BDP1: variants seen among roughly 807,000 people sequenced by gnomAD.
BDP1 encodes the protein BDP1 general transcription factor IIIB subunit.
Under a neutral mutation model 266.6 loss-of-function variants are expected in BDP1, and 169 were observed. That is an observed-to-expected ratio of 0.63 (90% CI 0.56 to 0.72). The LOEUF (loss-of-function observed/expected upper bound fraction) is 0.72. BDP1 is among the 30% of genes least tolerant of loss of function. The pLI, the probability that BDP1 is intolerant of heterozygous loss-of-function variation, is 0.00. For missense variants in BDP1, 3,015 were observed against 3,053.8 expected (o/e 0.99, Z 0.30); for synonymous variants, 1,090 against 1,022.4 (o/e 1.07, Z -1.26).
chr5:71,528,499 G>C (rs893675883), intron 25 of BDP1, among the ~76,000 whole-genome samples: 1 of 152,160 alleles, frequency 6.6e-6, no homozygotes, highest in African/African-American at 2.4e-5. Flanking sequence ...AGTTAACTAA[G>C]ATAGTGGCAA....
At chr5:71,516,515 C>T (rs1404812109) in intron 21 of BDP1, among the ~76,000 whole-genome samples, 1 of 152,036 alleles carries the variant, frequency 6.6e-6, no homozygotes, top group Non-Finnish European at 1.5e-5. Context: ...AATATAAATA[C>T]CGCAAATCTT....
intron 26 of BDP1, among the ~76,000 whole-genome samples, chr5:71,536,301 G>A (rs932853916): frequency 6.6e-6 from 1 of 152,138 alleles, no homozygotes; most frequent in African/African-American, 2.4e-5. Flanking sequence ...TTGGAGGCAA[G>A]TTTTCATTAA....
In BDP1 at chr5:71,463,600, T is replaced by C. The variant is rs573947838; in HGVS notation, c.600-458T>C. Reference sequence around the variant, plus strand: ...GTTTTGGGAAGCTAAGGTGGGAGGATTGCATGATCCCAGGAGTTTGAGACC... The same window carrying C: ...GTTTTGGGAAGCTAAGGTGGGAGGACTGCATGATCCCAGGAGTTTGAGACC... On this transcript the variant is annotated intron_variant, in intron 3 of 38. Coordinates refer to ENST00000358731, the MANE Select transcript of BDP1 (RefSeq NM_018429.3). 9.5e-4 allele frequency among the ~76,000 whole-genome samples: 144 copies of C among 152,124 alleles called. No homozygotes were observed. In the East Asian group the frequency reaches 0.014, roughly 15 times the overall value.
chr5:71,530,281 C>G (rs932984651), intron 25 of BDP1, among the ~76,000 whole-genome samples: 2 of 152,054 alleles, frequency 1.3e-5, no homozygotes, highest in African/African-American at 4.8e-5. Context: ...ATTGCCCAGG[C>G]TGGAGTGCAG....
Position 71,470,644 on chromosome 5 carries a change from A to G in BDP1, c.1014+155A>G, listed in dbSNP as rs181872980. On this transcript the variant is annotated intron_variant, in intron 7 of 38. Transcript: ENST00000358731. Reference sequence around the variant, plus strand: ...CACTTTGTTGCCCAGGCTGGAGTGCAGTGGCACAGTCTCGGCTCACTGCAA... The same window carrying G: ...CACTTTGTTGCCCAGGCTGGAGTGCGGTGGCACAGTCTCGGCTCACTGCAA... 5.3e-3 allele frequency among the ~76,000 whole-genome samples: 793 copies of G among 150,898 alleles called. 3 individuals are homozygous for G. The highest frequency in any genetic ancestry group is 7.2e-3 in the Non-Finnish European group (490 of 67,860).
chr5:71,578,069 G>A, the BDP1 span, among the ~76,000 whole-genome samples: 4 of 152,120 alleles, frequency 2.6e-5, no homozygotes, highest in South Asian at 2.1e-4. Flanking sequence ...GAGGGCCATC[G>A]CTCCCTGGCC....
At chr5:71,528,487 A>G (rs1766044056) in intron 25 of BDP1, among the ~76,000 whole-genome samples, 1 of 152,240 alleles carries the variant, frequency 6.6e-6, no homozygotes, top group African/African-American at 2.4e-5. Context: ...GAAATGAATC[A>G]GAGTTAACTA....
rs368462635 is a variant in BDP1 at position 71,467,423 on chromosome 5, C to T, written c.855C>T (p.Arg285=). The stretch of plus-strand genomic sequence containing the variant: ...AAGAAAATGACCCCATATTTGAGCG[C>T]GGTTCTACAACTACATACTCCAGCT... ...VVEENDPIFE[R]GSTTTYSSFR... is the part of the protein sequence containing the mutation. Residue 285 remains arginine (R), a synonymous_variant, in exon 6 of 39, where the codon CGC becomes CGT. Coordinates refer to ENST00000358731, the MANE Select transcript of BDP1 (RefSeq NM_018429.3). The T allele has an allele frequency of 6.7e-5, 108 of 1,610,166 alleles. No individual in the cohort carries two copies. Among genetic ancestry groups the T allele is most frequent in the East Asian group, 8.9e-5 (4 of 44,808 alleles).
intron 10 of BDP1, among the ~76,000 whole-genome samples, chr5:71,490,196 G>T (rs1356269947): frequency 6.6e-6 from 1 of 152,162 alleles, no homozygotes; most frequent in Admixed American, 6.5e-5. Flanking sequence ...CTTTCCTTAA[G>T]AGTTCATATG....
At chr5:71,556,996 C>A in intron 36 of BDP1, 71 bp downstream of exon 36, 2 of 767,672 alleles carry the variant, frequency 2.6e-6, no homozygotes, top group South Asian at 2.6e-5. Context: ...ATACCTTGTT[C>A]AAATATGAGA....
At chr5:71,558,651 C>G (rs1230916967) in intron 36 of BDP1, among the ~76,000 whole-genome samples, 1 of 151,682 alleles carries the variant, frequency 6.6e-6, no homozygotes, top group Non-Finnish European at 1.5e-5. Flanking sequence ...CATGGCGAAG[C>G]CTCATCTCTA....
intron 1 of BDP1, among the ~76,000 whole-genome samples, chr5:71,457,461 G>A (rs535438621): frequency 2.0e-5 from 3 of 151,778 alleles, no homozygotes; most frequent in African/African-American, 7.3e-5. Context: ...GACTACAGGC[G>A]TGCCCCACCA....
At chr5:71,481,391 G>GAAA (rs58798987) in intron 7 of BDP1, among the ~76,000 whole-genome samples, 43 of 63,856 alleles carry the variant, frequency 6.7e-4, no homozygotes, top group Non-Finnish European at 7.8e-4. Flanking sequence ...TCTCTACAAA[G>GAAA]AAAAAAAAAA....
chr5:71,553,050 T>C, intron 34 of BDP1, 66 bp from the exon 35 acceptor site: 1 of 1,320,444 alleles, frequency 7.6e-7, no homozygotes, highest in Non-Finnish European at 1.0e-6. Flanking sequence ...TCTAGGATCC[T>C]TTAAAAAAAA....
chr5:71,455,683 G>C lies in BDP1; in HGVS notation c.-195G>C, dbSNP rs1158938471. Reference sequence around the variant, plus strand: ...AAATTTAGCCATCGGTGTGTGGCAGGGTCATGAAAAAGCGGCGGCGGCGGG... The same window carrying C: ...AAATTTAGCCATCGGTGTGTGGCAGCGTCATGAAAAAGCGGCGGCGGCGGG... On this transcript the variant is annotated 5_prime_UTR_variant, in exon 1 of 39. Transcript: ENST00000358731. 3.3e-6 allele frequency: 2 copies of C among 604,442 alleles called. No individual in the cohort carries two copies. Among genetic ancestry groups the C allele is most frequent in the East Asian group, 2.8e-5 (1 of 36,146 alleles). 37.4% of individuals were successfully genotyped at this position (604,442 alleles called of 1,614,324 possible).
chr5:71,456,772 A>C (rs1761216086), intron 1 of BDP1, among the ~76,000 whole-genome samples: 1 of 152,220 alleles, frequency 6.6e-6, no homozygotes, highest in African/African-American at 2.4e-5. Flanking sequence ...ATAGCAGAAT[A>C]GTTGCCCGCA....
At chr5:71,552,023 C>T (rs1373423608) in intron 34 of BDP1, among the ~76,000 whole-genome samples, 6 of 149,022 alleles carry the variant, frequency 4.0e-5, no homozygotes, top group Admixed American at 6.6e-5. Context: ...CCCTCCCGGA[C>T]GGGGTGGCTG....
rs1327775749 is a variant in BDP1, at chr5:71,502,915, G to A, written c.2241+124G>A. On this transcript the variant is annotated intron_variant, in intron 15 of 38. Coordinates refer to ENST00000358731, the MANE Select transcript of BDP1 (RefSeq NM_018429.3). ...CATTTATTTATTTATTTATGACGGA[G>A]TCTTGCTCTGTCGCCCAGGCTGGAA... The A allele has an allele frequency of 2.3e-5, 17 of 753,026 alleles. No homozygotes were observed. The South Asian group carries it at 3.0e-4, about 13-fold the overall frequency. The allele number at this position is 753,026 out of a possible 1,614,324, so 46.6% of individuals were successfully genotyped here.
intron 25 of BDP1, among the ~76,000 whole-genome samples, chr5:71,524,801 C>A (rs559476724): frequency 3.2e-4 from 48 of 150,144 alleles, no homozygotes; most frequent in African/African-American, 1.1e-3. Flanking sequence ...GTGTTTGTGT[C>A]CCTGGGTACT....
Sources: allele counts gnomAD v4.1 joint callset (sites outside exome capture counted in the v4.1 genomes callset), GRCh38; gene constraint gnomAD v4.1.1; transcripts MANE v1.5; gene names NCBI Gene and HGNC (gene_info 2026-07-23, HGNC 2026-07-21).